The following BPTF variants were observed in gnomAD, a reference collection of about 807,000 sequenced individuals.
BPTF encodes the protein nucleosome-remodeling factor subunit BPTF.
In BPTF, 18 loss-of-function variants were observed where a neutral mutation model predicts 292.5. The observed-to-expected ratio is 0.06, with a 90% CI of 0.04 to 0.09. The LOEUF (loss-of-function observed/expected upper bound fraction) is 0.09, where lower values mean the gene tolerates loss of function less well. Among genes scored for constraint, BPTF ranks in the 10% least tolerant of loss-of-function variants. BPTF has a pLI of 1.00. For missense variants in BPTF, 2,726 were observed against 3,498.7 expected, an observed-to-expected ratio of 0.78 and a Z score of 5.57; for synonymous variants, 1,225 against 1,251.9, an observed-to-expected ratio of 0.98 and a Z score of 0.45.
chr17:67,955,162 G>A (rs557429346), intron 23 of BPTF, among the ~76,000 whole-genome samples: 119 of 151,576 alleles, frequency 7.9e-4, no homozygotes, highest in African/African-American at 2.8e-3. Flanking sequence ...ATGGTGGTGG[G>A]CGCTACTTGG....
intron 1 of BPTF, among the ~76,000 whole-genome samples, chr17:67,848,281 G>A (rs1156979435): frequency 1.3e-5 from 2 of 151,996 alleles, no homozygotes; most frequent in South Asian, 2.1e-4. Context: ...CTCTGCCCTC[G>A]GCAGGTAGTT....
chr17:67,925,707 A>G (rs1285545179), intron 15 of BPTF, among the ~76,000 whole-genome samples: 1 of 152,176 alleles, frequency 6.6e-6, no homozygotes, highest in Non-Finnish European at 1.5e-5. Flanking sequence ...ATACATAACT[A>G]TTTAAAAATC....
intron 3 of BPTF, among the ~76,000 whole-genome samples, chr17:67,873,092 AAAAT>A (rs2059844992): frequency 6.6e-6 from 1 of 152,184 alleles, no homozygotes; most frequent in Non-Finnish European, 1.5e-5. Context: ...AAAAAAGTAA[AAAAT>A]AAATTTATAA....
At position 67,866,843 on chromosome 17, in the gene BPTF, A is replaced by G. The variant is rs559448660; in HGVS notation, c.1660+156A>G. On this transcript the variant is annotated intron_variant, in intron 3 of 27. Coordinates refer to ENST00000306378, the MANE Select transcript of BPTF (RefSeq NM_182641.4). ...ATTCTGAAAAATGTGTCATTTGACA[A>G]TGTCATCATTGTATGAACATCATAG... Among the ~76,000 whole-genome samples the G allele has an allele frequency of 5.9e-5, 9 of 152,358 alleles. No individual in the cohort carries two copies. The South Asian group carries it at 1.9e-3, about 32-fold the overall frequency.
intron 3 of BPTF, among the ~76,000 whole-genome samples, chr17:67,871,501 GTACTT>G (rs1314176747): frequency 6.7e-6 from 1 of 149,650 alleles, no homozygotes; most frequent in South Asian, 2.1e-4. Context: ...GTATAGATCT[GTACTT>G]TATATTTGTA....
chr17:67,959,728 C>A lies in BPTF; in HGVS notation c.8114C>A (p.Pro2705His), dbSNP rs1341188763. 1 of 1,613,504 alleles carries A rather than the reference C, an allele frequency of 6.2e-7. No individual in the cohort carries two copies. The highest frequency in any genetic ancestry group is 1.3e-5 in the African/African-American group (1 of 74,862). ...HTGLLSTPTL[P>H]AASQKRKREE... Reference sequence around the variant, plus strand: ...GGCCTTCTGTCCACGCCCACCTTACCTGCTGCTTCCCAGAAGAGGAAGCGG... The same window carrying A: ...GGCCTTCTGTCCACGCCCACCTTACATGCTGCTTCCCAGAAGAGGAAGCGG... Residue 2705 changes from proline (P) to histidine (H), a missense_variant, in exon 24 of 28, where the codon CCT becomes CAT. Pro to His is a moderately conservative substitution (Grantham distance 77, BLOSUM62 -2). Around this residue, in one of 22 missense-constraint regions of BPTF, gnomAD observed 148 missense variants for 145.5 expected, o/e 1.02. Transcript: ENST00000306378.
intron 18 of BPTF, among the ~76,000 whole-genome samples, chr17:67,939,034 G>C (rs1190308506): frequency 1.3e-5 from 2 of 152,130 alleles, no homozygotes; most frequent in Admixed American, 1.3e-4. Context: ...AGTGAAATAG[G>C]CACACAGAGC....
At chr17:67,872,583 A>G (rs373110669) in intron 3 of BPTF, among the ~76,000 whole-genome samples, 18 of 151,982 alleles carry the variant, frequency 1.2e-4, no homozygotes, top group African/African-American at 2.2e-4. Flanking sequence ...GTATGCGCCT[A>G]TAGTCTCAGC....
At chr17:67,870,089 A>C (rs1030317950) in intron 3 of BPTF, among the ~76,000 whole-genome samples, 3 of 151,880 alleles carry the variant, frequency 2.0e-5, no homozygotes, top group Non-Finnish European at 4.4e-5. Context: ...AGGCCACAAT[A>C]TGTTCTTAGA....
chr17:67,978,130 G>A (rs1401001732), intron 27 of BPTF, among the ~76,000 whole-genome samples: 5 of 147,906 alleles, frequency 3.4e-5, no homozygotes, highest in Admixed American at 2.0e-4. Flanking sequence ...CTGGGATTAC[G>A]GGCGTGAGCC....
chr17:67,906,661 T>A (rs772996270), intron 9 of BPTF, among the ~76,000 whole-genome samples: 5 of 152,188 alleles, frequency 3.3e-5, no homozygotes, highest in African/African-American at 4.8e-5. Context: ...CACTCTCTTC[T>A]CTTTCTTCAG....
In BPTF at chr17:67,912,170, G is replaced by A. The variant is rs371952607; in HGVS notation, c.4286G>A (p.Ser1429Asn). The A allele has an allele frequency of 2.5e-6, 4 of 1,611,700 alleles. No individual in the cohort carries two copies. The African/African-American group carries it at 5.3e-5, about 22-fold the overall frequency. ...KGECLKEISE[S>N]RVVSGNVEPK... ...GAATGCTTGAAAGAAATTTCTGAGA[G>A]TAGAGTAGTAAGTGGTAATGTTGAA... The change falls in exon 11 of 28, where the codon AGT becomes AAT. Residue 1429 changes from serine (S) to asparagine (N), a missense_variant. Ser to Asn is a conservative substitution (Grantham distance 46, BLOSUM62 1). Coordinates refer to ENST00000306378, the MANE Select transcript of BPTF (RefSeq NM_182641.4).
intron 24 of BPTF, chr17:67,963,304 A>T: frequency 6.7e-7 from 1 of 1,503,194 alleles, no homozygotes; most frequent in Non-Finnish European, 8.8e-7. Context: ...TGACAATTAC[A>T]TTGTCATTTT....
chr17:67,874,783 G>A (rs2145743038), intron 3 of BPTF, 34 bp from the exon 4 acceptor site: 2 of 1,436,214 alleles, frequency 1.4e-6, no homozygotes, highest in South Asian at 1.2e-5. Context: ...GTTATATATA[G>A]GAATAATTTT....
intron 15 of BPTF, among the ~76,000 whole-genome samples, chr17:67,927,264 C>T (rs1349922793): frequency 6.6e-6 from 1 of 152,178 alleles, no homozygotes; most frequent in East Asian, 1.9e-4. Flanking sequence ...GCATCTGCCA[C>T]CAGGTTTGAA....
At chr17:67,941,852 T>C (rs560462920) in intron 19 of BPTF, among the ~76,000 whole-genome samples, 5 of 152,196 alleles carry the variant, frequency 3.3e-5, no homozygotes, top group African/African-American at 4.8e-5. Context: ...TCAACTACTT[T>C]AAAAATAAGA....
intron 19 of BPTF, among the ~76,000 whole-genome samples, chr17:67,941,050 A>G (rs1243084080): frequency 1.3e-5 from 2 of 152,224 alleles, no homozygotes; most frequent in Non-Finnish European, 2.9e-5. Context: ...TTTTAGTGAA[A>G]CTTCACAAGC....
In BPTF at chr17:67,912,751, T is replaced by A. The variant is rs147928104; in HGVS notation, c.4867T>A (p.Ser1623Thr). 10 of 1,613,774 alleles carry A rather than the reference T, an allele frequency of 6.2e-6. No individual in the cohort carries two copies. Among genetic ancestry groups the A allele is most frequent in the Non-Finnish European group, 8.5e-6 (10 of 1,179,994 alleles). ...TTCTTCCACAGAAAATTGTGCAAAA[T>A]CCACTGTCACAACCACCACTACAAC... ...VVSSTENCAKSTVTTTTTTVT... is the reference protein window; with the variant it reads ...VVSSTENCAKTTVTTTTTTVT... The change falls in exon 11 of 28, where the codon TCC becomes ACC. Residue 1623 changes from serine (S) to threonine (T), a missense_variant. By Grantham distance (58) the Ser-to-Thr change is moderately conservative. Around this residue, in one of 22 missense-constraint regions of BPTF, gnomAD observed 144 missense variants for 177.2 expected, o/e 0.81. Transcript: ENST00000306378.
intron 2 of BPTF, among the ~76,000 whole-genome samples, chr17:67,861,781 T>G (rs2059098398): frequency 6.6e-6 from 1 of 152,188 alleles, no homozygotes; most frequent in Admixed American, 6.5e-5. Flanking sequence ...TTCTAACACT[T>G]AAGACAACAT....
Sources: allele counts gnomAD v4.1 joint callset (sites outside exome capture counted in the v4.1 genomes callset), GRCh38; gene constraint gnomAD v4.1.1; regional missense constraint gnomAD v4.1.1; transcripts MANE v1.5; gene names NCBI Gene and HGNC (gene_info 2026-07-23, HGNC 2026-07-21).